The following RUNX1 variants were observed in gnomAD, a reference collection of about 807,000 sequenced individuals.
RUNX1 encodes the protein RUNX family transcription factor 1, also known as runt-related transcription factor 1.
A neutral mutation model predicts 42.8 loss-of-function variants in RUNX1; 19 were observed. That is an observed-to-expected ratio of 0.44 (90% CI 0.31 to 0.65). The LOEUF (loss-of-function observed/expected upper bound fraction) is 0.65, where lower values mean the gene tolerates loss of function less well. RUNX1 is among the 30% of genes least tolerant of loss of function. The pLI is 0.07. For synonymous variants in RUNX1, 271 were observed against 289.4 expected, an observed-to-expected ratio of 0.94 and a Z score of 0.64; for missense variants, 528 against 672.0, an observed-to-expected ratio of 0.79 and a Z score of 2.37.
At chr21:35,032,054 T>G (rs372883016) in intron 2 of RUNX1, among the ~76,000 whole-genome samples, 88 of 152,250 alleles carry the variant, frequency 5.8e-4, no homozygotes, top group South Asian at 2.5e-3. Flanking sequence ...AGCATTTGGG[T>G]ACAGAGGGGC....
intron 2 of RUNX1, among the ~76,000 whole-genome samples, chr21:34,995,758 G>A (rs1192627849): frequency 6.6e-6 from 1 of 152,142 alleles, no homozygotes; most frequent in Non-Finnish European, 1.5e-5. Flanking sequence ...GGTATTCTGA[G>A]ATTTAAATCT....
intron 2 of RUNX1, among the ~76,000 whole-genome samples, chr21:35,039,554 G>A (rs993503204): frequency 3.3e-5 from 5 of 151,962 alleles, no homozygotes; most frequent in African/African-American, 1.2e-4. Flanking sequence ...AACTTACAAA[G>A]CATCATATAG....
chr21:34,963,289 G>A (rs769339213), intron 2 of RUNX1, among the ~76,000 whole-genome samples: 2 of 152,144 alleles, frequency 1.3e-5, no homozygotes, highest in African/African-American at 2.4e-5. Context: ...CTGGGTCCAC[G>A]TGGAAGATGA....
In RUNX1 at chr21:34,792,474, CATGCCG is replaced by C. The variant is rs750495319; in HGVS notation, c.1098_1103del (p.Ile366_Gly367del). 12 of 1,587,662 alleles carry C rather than the reference CATGCCG, an allele frequency of 7.6e-6. No homozygotes were observed. Among genetic ancestry groups the C allele is most frequent in the Non-Finnish European group, 9.4e-6 (11 of 1,167,082 alleles). On this transcript the variant is annotated inframe_deletion, in exon 9 of 9. Transcript: ENST00000675419. This position sits in a 1 kb window ranked among gnomAD's most constrained non-coding sequence, Gnocchi z 6.9. ...AGCGCGTGGCCGAGCCCATGGCCGA[CATGCCG>C]ATGCCGATGCCCGAGGTGACCGGCG...
At chr21:35,040,545 G>A (rs950750719) in intron 2 of RUNX1, among the ~76,000 whole-genome samples, 3 of 151,806 alleles carry the variant, frequency 2.0e-5, no homozygotes, top group Non-Finnish European at 2.9e-5. Context: ...AGGCTGAGGC[G>A]GGCAGATCAC....
At chr21:34,879,280 G>C (rs988002745) in intron 5 of RUNX1, among the ~76,000 whole-genome samples, 3 of 152,028 alleles carry the variant, frequency 2.0e-5, no homozygotes, top group African/African-American at 7.2e-5. Flanking sequence ...TCAAAAAGTG[G>C]ATATAATTTT....
chr21:35,006,461 G>T (rs2059085707), intron 2 of RUNX1, among the ~76,000 whole-genome samples: 1 of 152,090 alleles, frequency 6.6e-6, no homozygotes. Context: ...AGACATAGAA[G>T]AAAACTACCC....
In RUNX1 at chr21:34,834,501, G is replaced by A. The variant is rs776056802; in HGVS notation, c.714C>T (p.Val238=). ...GCGTGGGGGCTGGGTGGTGTGGGCT[G>A]ACCCTCATGGCTGTGCGCCGCAGCT... The part of the protein sequence containing the change: ...LEQLRRTAMR[V]SPHHPAPTPN... The change falls in exon 7 of 9, where the codon GTC becomes GTT. Residue 238 remains valine (V), a synonymous_variant. Coordinates refer to ENST00000675419, the MANE Select transcript of RUNX1 (RefSeq NM_001754.5). The A allele has an allele frequency of 2.5e-6, 4 of 1,613,400 alleles. No homozygotes were observed. The Admixed American group carries it at 6.7e-5, about 27-fold the overall frequency.
At chr21:35,011,497 G>A (rs117212189) in intron 2 of RUNX1, among the ~76,000 whole-genome samples, 30 of 152,314 alleles carry the variant, frequency 2.0e-4, no homozygotes, top group Admixed American at 5.9e-4. Context: ...GGATCCCTCC[G>A]TGGGTTGAAA....
chr21:34,913,884 G>C (rs2058291892), intron 2 of RUNX1, among the ~76,000 whole-genome samples: 2 of 152,116 alleles, frequency 1.3e-5, no homozygotes, highest in Admixed American at 1.3e-4. Flanking sequence ...AAAAGGAAAG[G>C]CTTTTTACAT....
At chr21:34,814,560 C>T (rs148797640) in intron 7 of RUNX1, among the ~76,000 whole-genome samples, 1 of 152,330 alleles carries the variant, frequency 6.6e-6, no homozygotes, top group Non-Finnish European at 1.5e-5. Flanking sequence ...CAGGCTCGCT[C>T]TCCTCCAGTC....
At chr21:34,823,292 G>C (rs1193526746) in intron 7 of RUNX1, among the ~76,000 whole-genome samples, 4 of 152,302 alleles carry the variant, frequency 2.6e-5, no homozygotes, top group Admixed American at 2.6e-4. Context: ...GATTGAGCTG[G>C]ACATTATAGT....
At chr21:34,883,372 A>C (rs2057934792) in intron 4 of RUNX1, among the ~76,000 whole-genome samples, 1 of 152,132 alleles carries the variant, frequency 6.6e-6, no homozygotes, top group South Asian at 2.1e-4. Flanking sequence ...TAGTAAATCC[A>C]GGGCAATTCA....
intron 6 of RUNX1, among the ~76,000 whole-genome samples, chr21:34,851,219 C>T (rs80328776): frequency 6.6e-6 from 1 of 152,132 alleles, no homozygotes; most frequent in Non-Finnish European, 1.5e-5. Context: ...AGCAAAAAAA[C>T]GACGTCTATC....
chr21:34,817,367 G>A lies in RUNX1; in HGVS notation c.805+17043C>T, dbSNP rs113920680. 5.8e-4 allele frequency among the ~76,000 whole-genome samples: 88 copies of A among 152,298 alleles called. 1 individual carries two copies. The Middle Eastern group carries it at 0.01, about 18-fold the overall frequency. On this transcript the variant is annotated intron_variant, in intron 7 of 8. Transcript: ENST00000675419. Reference sequence around the variant, plus strand: ...TTTATACTACAAGAAACAGACTGGCGCAACCTCATCTCTGGTAAGTCCTCA... The same window carrying A: ...TTTATACTACAAGAAACAGACTGGCACAACCTCATCTCTGGTAAGTCCTCA...
intron 2 of RUNX1, among the ~76,000 whole-genome samples, chr21:34,960,161 T>A (rs2058672455): frequency 6.6e-6 from 1 of 152,010 alleles, no homozygotes; most frequent in South Asian, 2.1e-4. Context: ...AACACAGCTG[T>A]TCTGTGTGTG....
At chr21:34,876,032 A>AT (rs1170106232) in intron 5 of RUNX1, among the ~76,000 whole-genome samples, 2 of 152,206 alleles carry the variant, frequency 1.3e-5, no homozygotes. Flanking sequence ...AAAGGATACT[A>AT]TTTTGAAAGT....
At chr21:34,977,116 T>C (rs2058808085) in intron 2 of RUNX1, among the ~76,000 whole-genome samples, 2 of 152,242 alleles carry the variant, frequency 1.3e-5, no homozygotes, top group South Asian at 2.1e-4. Context: ...GTTTTGTTGT[T>C]GCTGCCGTTT....
intron 2 of RUNX1, among the ~76,000 whole-genome samples, chr21:34,903,967 G>T (rs2058197691): frequency 6.6e-6 from 1 of 152,032 alleles, no homozygotes; most frequent in South Asian, 2.1e-4. Flanking sequence ...GCTAAGATCT[G>T]TATTGTAATG....
Sources: allele counts gnomAD v4.1 joint callset (sites outside exome capture counted in the v4.1 genomes callset), GRCh38; gene constraint gnomAD v4.1.1; non-coding constraint Gnocchi (gnomAD v3.1); transcripts MANE v1.5; gene names NCBI Gene and HGNC (gene_info 2026-07-23, HGNC 2026-07-21).